GTF2F2: variants seen among roughly 807,000 people sequenced by gnomAD.
The protein encoded by GTF2F2 is general transcription factor IIF subunit 2, also known as ATP-dependent helicase GTF2F2.
A neutral mutation model predicts 42.2 loss-of-function variants in GTF2F2; 23 were observed. The ratio of observed to expected loss-of-function variants is 0.55; its 90% confidence interval spans 0.39 to 0.77. GTF2F2 has a LOEUF of 0.77. GTF2F2 is among the 30% of genes least tolerant of loss of function. The probability of loss-of-function intolerance (pLI) is 0.00; values close to 1 mark genes in which losing one functional copy is unlikely to be tolerated. For missense variants in GTF2F2, 261 were observed against 287.2 expected, an observed-to-expected ratio of 0.91 and a Z score of 0.66; for synonymous variants, 105 against 100.8, an observed-to-expected ratio of 1.04 and a Z score of -0.25.
At chr13:45,139,921 T>C (rs1357533623) in intron 2 of GTF2F2, among the ~76,000 whole-genome samples, 1 of 152,222 alleles carries the variant, frequency 6.6e-6, no homozygotes, top group Non-Finnish European at 1.5e-5. Context: ...AAGTCCTTTA[T>C]ATAAAATGGC....
intron 3 of GTF2F2, among the ~76,000 whole-genome samples, chr13:45,150,789 C>T (rs1045944947): frequency 6.6e-6 from 1 of 150,730 alleles, no homozygotes; most frequent in Non-Finnish European, 1.5e-5. Context: ...AGTGATCAGC[C>T]CACCTCGGCC....
chr13:45,264,322 C>G (rs1379049316), intron 6 of GTF2F2, among the ~76,000 whole-genome samples: 1 of 150,692 alleles, frequency 6.6e-6, no homozygotes, highest in East Asian at 1.9e-4. Flanking sequence ...CACTCTGTTG[C>G]TGAGAGTGGA....
At chr13:45,209,797 C>G (rs1043957421) in intron 5 of GTF2F2, among the ~76,000 whole-genome samples, 2 of 152,206 alleles carry the variant, frequency 1.3e-5, no homozygotes, top group Non-Finnish European at 2.9e-5. Context: ...TCTACTAGCA[C>G]TTTTCTTGTC....
Position 45,185,206 on chromosome 13 carries a change from A to T in GTF2F2, c.305-22218A>T, listed in dbSNP as rs139861850. ...TCTGTAACAGCAAGAAATATATTTG[A>T]AGCTCCTTTTTCTTCTGTCTTATTA... On this transcript the variant is annotated intron_variant, in intron 4 of 7. Transcript: ENST00000340473. 1.7e-3 allele frequency among the ~76,000 whole-genome samples: 260 copies of T among 152,274 alleles called. 2 individuals carry two copies. The highest frequency in any genetic ancestry group is 5.9e-3 in the African/African-American group (247 of 41,518).
intron 4 of GTF2F2, among the ~76,000 whole-genome samples, chr13:45,187,889 A>T (rs1872489970): frequency 6.6e-6 from 1 of 152,158 alleles, no homozygotes; most frequent in Non-Finnish European, 1.5e-5. Context: ...TAGCATTATC[A>T]CATATGTAAC....
At chr13:45,126,126 A>T (rs575784979) in intron 1 of GTF2F2, among the ~76,000 whole-genome samples, 6 of 152,006 alleles carry the variant, frequency 3.9e-5, no homozygotes, top group African/African-American at 2.4e-5. Flanking sequence ...CATGATGTCC[A>T]CTTCAGTGCT....
chr13:45,191,109 C>A (rs1425103334), intron 4 of GTF2F2, among the ~76,000 whole-genome samples: 1 of 149,838 alleles, frequency 6.7e-6, no homozygotes, highest in African/African-American at 2.5e-5. Flanking sequence ...CAGTGGCTCA[C>A]GCCTGTAATC....
intron 6 of GTF2F2, among the ~76,000 whole-genome samples, chr13:45,254,111 C>T (rs1429615525): frequency 6.7e-6 from 1 of 150,270 alleles, no homozygotes; most frequent in Non-Finnish European, 1.5e-5. Context: ...GAGTACAGAA[C>T]ACCAAGATAT....
chr13:45,257,417 T>C (rs1234234061), intron 6 of GTF2F2, among the ~76,000 whole-genome samples: 2 of 152,208 alleles, frequency 1.3e-5, no homozygotes, highest in African/African-American at 2.4e-5. Context: ...TTTGTAACAT[T>C]AACTAGGTGA....
At chr13:45,176,613 A>C (rs987760930) in intron 4 of GTF2F2, among the ~76,000 whole-genome samples, 1 of 152,106 alleles carries the variant, frequency 6.6e-6, no homozygotes, top group Middle Eastern at 3.2e-3. Context: ...GATGAACAGA[A>C]GTTATCTTTA....
chr13:45,185,297 A>T (rs1443290220), intron 4 of GTF2F2, among the ~76,000 whole-genome samples: 1 of 152,176 alleles, frequency 6.6e-6, no homozygotes, highest in Non-Finnish European at 1.5e-5. Context: ...GAGCAGAGGG[A>T]AATATAACTG....
intron 1 of GTF2F2, among the ~76,000 whole-genome samples, chr13:45,132,482 A>G (rs922511521): frequency 6.6e-6 from 1 of 151,126 alleles, no homozygotes; most frequent in African/African-American, 2.4e-5. Context: ...CCTCTTCAAT[A>G]TGGCAGATTT....
intron 4 of GTF2F2, among the ~76,000 whole-genome samples, chr13:45,153,976 CAAA>C (rs71070960): frequency 2.8e-5 from 2 of 71,496 alleles, no homozygotes; most frequent in African/African-American, 5.5e-5. Context: ...GACTCAGTCT[CAAA>C]AAAAAAAAAA....
chr13:45,283,475 G>A lies in GTF2F2; in HGVS notation c.664G>A (p.Val222Ile), dbSNP rs570952244. The change falls in exon 8 of 8, where the codon GTT becomes ATT. Residue 222 changes from valine to isoleucine, a missense_variant. Physicochemically the swap from Val to Ile is conservative, Grantham distance 29. Coordinates refer to ENST00000340473, the MANE Select transcript of GTF2F2 (RefSeq NM_004128.3). ...YLKEILKEIG[V>I]QNVKGIHKNT... is the part of the protein sequence containing the mutation. ...GAAGGAAATCTTAAAAGAAATTGGT[G>A]TTCAGAATGTAAAAGGGATCCACAA... is the stretch of plus-strand genomic sequence containing the variant. 1 of 1,611,622 alleles carries A rather than the reference G, an allele frequency of 6.2e-7. No homozygotes were observed. Among genetic ancestry groups the A allele is most frequent in the Non-Finnish European group, 8.5e-7 (1 of 1,178,250 alleles).
intron 5 of GTF2F2, among the ~76,000 whole-genome samples, 174 bp downstream of exon 5, chr13:45,207,679 A>T (rs564929972): frequency 6.6e-6 from 1 of 152,326 alleles, no homozygotes; most frequent in East Asian, 1.9e-4. Flanking sequence ...AAGAAATTTC[A>T]GTATCTGGGC....
chr13:45,234,987 G>A (rs1490492148), intron 5 of GTF2F2, among the ~76,000 whole-genome samples: 1 of 136,288 alleles, frequency 7.3e-6, no homozygotes, highest in African/African-American at 2.7e-5. Context: ...AGAGCTTGCA[G>A]TGAGCCAAGA....
At chr13:45,204,715 G>A (rs970487981) in intron 4 of GTF2F2, among the ~76,000 whole-genome samples, 1 of 152,108 alleles carries the variant, frequency 6.6e-6, no homozygotes, top group African/African-American at 2.4e-5. Context: ...TTTTAAAAAT[G>A]TATTTAAGAA....
At chr13:45,169,262 C>CAATT (rs1049697585) in intron 4 of GTF2F2, among the ~76,000 whole-genome samples, 1 of 152,108 alleles carries the variant, frequency 6.6e-6, no homozygotes, top group African/African-American at 2.4e-5. Flanking sequence ...GAGGCAGTGG[C>CAATT]AATTGACTGG....
intron 4 of GTF2F2, among the ~76,000 whole-genome samples, chr13:45,162,979 G>C (rs1313646587): frequency 6.9e-6 from 1 of 143,914 alleles, no homozygotes; most frequent in Admixed American, 7.3e-5. Flanking sequence ...CCTGGAGTTG[G>C]CGTGTATTAT....
Sources: allele counts gnomAD v4.1 joint callset (sites outside exome capture counted in the v4.1 genomes callset), GRCh38; gene constraint gnomAD v4.1.1; transcripts MANE v1.5; gene names NCBI Gene and HGNC (gene_info 2026-07-23, HGNC 2026-07-21).